Variants in NIM1K observed in about 807,000 individuals in gnomAD.
NIM1K encodes the protein NIM1 serine/threonine protein kinase.
A neutral mutation model predicts 37.1 loss-of-function variants in NIM1K; 35 were observed. The ratio of observed to expected loss-of-function variants is 0.94; its 90% confidence interval spans 0.72 to 1.25. NIM1K has a LOEUF of 1.25. Ranked by LOEUF, NIM1K falls within the 50% of genes most tolerant of loss-of-function variation. The pLI is 0.00. For synonymous variants in NIM1K, 234 were observed against 206.6 expected (o/e 1.13, Z -1.14); for missense variants, 564 against 548.0 (o/e 1.03, Z -0.29).
At chr5:43,210,682 G>T (rs1752190871) in intron 1 of NIM1K, among the ~76,000 whole-genome samples, 1 of 152,208 alleles carries the variant, frequency 6.6e-6, no homozygotes. Flanking sequence ...GCATGGGATT[G>T]TAGGCGAGCC....
At chr5:43,195,012 C>A (rs1751891305) in intron 1 of NIM1K, 1 of 152,202 alleles carries the variant, frequency 6.6e-6, no homozygotes, top group Admixed American at 6.5e-5. Flanking sequence ...AATCCAACTT[C>A]ATTCTTTGAA....
At chr5:43,241,420 G>C (rs1579974893) in intron 1 of NIM1K, among the ~76,000 whole-genome samples, 1 of 150,522 alleles carries the variant, frequency 6.6e-6, no homozygotes. Flanking sequence ...CTGGGTTCTC[G>C]CCTCCGCCTC....
chr5:43,197,202 C>T (rs1751931039), intron 1 of NIM1K, among the ~76,000 whole-genome samples: 2 of 152,258 alleles, frequency 1.3e-5, no homozygotes, highest in East Asian at 3.9e-4. Context: ...AATCATAGCT[C>T]ACTGCAGCCT....
At chr5:43,205,870 G>A (rs922669047) in intron 1 of NIM1K, among the ~76,000 whole-genome samples, 1 of 152,002 alleles carries the variant, frequency 6.6e-6, no homozygotes, top group Admixed American at 6.6e-5. Context: ...CAGCCACCAC[G>A]CATGGCTGAT....
intron 1 of NIM1K, among the ~76,000 whole-genome samples, chr5:43,212,214 G>A (rs138516688): frequency 5.9e-5 from 9 of 152,210 alleles, no homozygotes; most frequent in Non-Finnish European, 1.0e-4. Context: ...AGGATTGGGT[G>A]AGGGGAAGGT....
chr5:43,234,876 C>T (rs1752595999), intron 1 of NIM1K, among the ~76,000 whole-genome samples: 1 of 152,134 alleles, frequency 6.6e-6, no homozygotes, highest in Admixed American at 6.5e-5. Context: ...CTCACATGAT[C>T]TGCCCACCTT....
At chr5:43,220,392 TC>T (rs1752364483) in intron 1 of NIM1K, among the ~76,000 whole-genome samples, 1 of 151,828 alleles carries the variant, frequency 6.6e-6, no homozygotes, top group African/African-American at 2.4e-5. Flanking sequence ...TTCAAGCGAT[TC>T]TCCTGCCTTA....
intron 2 of NIM1K, among the ~76,000 whole-genome samples, chr5:43,250,566 C>A (rs1052545035): frequency 9.2e-5 from 14 of 152,174 alleles, no homozygotes; most frequent in African/African-American, 3.4e-4. Flanking sequence ...TCATAGAGTA[C>A]ATCTATCTGT....
At chr5:43,278,141 G>A (rs577685873) in intron 3 of NIM1K, among the ~76,000 whole-genome samples, 114 of 151,662 alleles carry the variant, frequency 7.5e-4, no homozygotes, top group African/African-American at 2.6e-3. Flanking sequence ...CGCCTCCCGG[G>A]TTCAAGCGAT....
intron 1 of NIM1K, among the ~76,000 whole-genome samples, chr5:43,213,390 C>T (rs1288712306): frequency 6.6e-6 from 1 of 150,702 alleles, no homozygotes; most frequent in African/African-American, 2.5e-5. Context: ...AGCGCAGCGG[C>T]ACGATCTTGG....
At chr5:43,234,809 A>T (rs1752594134) in intron 1 of NIM1K, among the ~76,000 whole-genome samples, 3 of 151,608 alleles carry the variant, frequency 2.0e-5, no homozygotes, top group Admixed American at 2.0e-4. Flanking sequence ...TAATTTTTGT[A>T]TTTTTGGTAG....
At chr5:43,214,158 A>G (rs982381293) in intron 1 of NIM1K, among the ~76,000 whole-genome samples, 5 of 152,164 alleles carry the variant, frequency 3.3e-5, no homozygotes, top group African/African-American at 1.2e-4. Context: ...CATCTGAGCC[A>G]GTTGACTGTA....
intron 1 of NIM1K, among the ~76,000 whole-genome samples, chr5:43,215,688 C>A (rs1752289879): frequency 6.6e-6 from 1 of 152,176 alleles, no homozygotes; most frequent in African/African-American, 2.4e-5. Context: ...CCCACCTGGG[C>A]CTCCCAAAGT....
chr5:43,275,876 G>C (rs1035875749), intron 2 of NIM1K, among the ~76,000 whole-genome samples: 2 of 151,138 alleles, frequency 1.3e-5, no homozygotes, highest in East Asian at 3.9e-4. Context: ...TTTCTATAAA[G>C]AAACGCCTGA....
chr5:43,280,439 C>T lies in NIM1K; in HGVS notation c.1021C>T (p.Pro341Ser). ...PTPLEPFQLD[P>S]KHLSETSTLK... ...ACCTTTGGAACCTTTCCAACTGGAT[C>T]CCAAACATTTGTCGGAAACCAGCAC... is the stretch of plus-strand genomic sequence containing the variant. Residue 341 changes from proline to serine, a missense_variant, in exon 4 of 4, where the codon CCC becomes TCC. By Grantham distance (74) the Pro-to-Ser change is moderately conservative. Transcript: ENST00000326035. The T allele has an allele frequency of 6.2e-7, 1 of 1,614,146 alleles. No individual in the cohort carries two copies.
At chr5:43,254,201 A>G (rs1388707306) in intron 2 of NIM1K, among the ~76,000 whole-genome samples, 1 of 151,748 alleles carries the variant, frequency 6.6e-6, no homozygotes, top group Non-Finnish European at 1.5e-5. Context: ...GATCAATGGT[A>G]TGGGTGAGAG....
chr5:43,251,750 T>A (rs1218982684), intron 2 of NIM1K, among the ~76,000 whole-genome samples: 1 of 152,228 alleles, frequency 6.6e-6, no homozygotes, highest in African/African-American at 2.4e-5. Flanking sequence ...AGAAGGTATA[T>A]CATGGCCAAA....
At chr5:43,196,865 T>C (rs1751924279) in intron 1 of NIM1K, among the ~76,000 whole-genome samples, 2 of 151,208 alleles carry the variant, frequency 1.3e-5, no homozygotes, top group African/African-American at 4.9e-5. Context: ...CTTAAATTCC[T>C]GAGTTCAAGC....
intron 1 of NIM1K, among the ~76,000 whole-genome samples, chr5:43,210,971 G>A (rs548555674): frequency 1.3e-5 from 2 of 152,258 alleles, no homozygotes; most frequent in South Asian, 4.1e-4. Flanking sequence ...GGGAGTTGGA[G>A]ACCAGCCTGG....
Sources: allele counts gnomAD v4.1 joint callset (sites outside exome capture counted in the v4.1 genomes callset), GRCh38; gene constraint gnomAD v4.1.1; transcripts MANE v1.5; gene names NCBI Gene and HGNC (gene_info 2026-07-23, HGNC 2026-07-21).